The following CDH13 variants were observed in gnomAD, a reference collection of about 807,000 sequenced individuals.
CDH13 encodes the protein cadherin-13.
A neutral mutation model predicts 63.8 loss-of-function variants in CDH13; 24 were observed. That is an observed-to-expected ratio of 0.38 (90% CI 0.27 to 0.53). The LOEUF is 0.53. CDH13 is among the 20% of genes least tolerant of loss of function. CDH13 has a pLI of 0.85. For missense variants in CDH13, 1,049 were observed against 903.1 expected (o/e 1.16, Z -2.07); for synonymous variants, 503 against 355.3 (o/e 1.42, Z -4.67).
At chr16:83,773,041 T>A (rs1338771037) in intron 11 of CDH13, 4 of 152,224 alleles carry the variant, frequency 2.6e-5, no homozygotes, top group African/African-American at 4.8e-5. Flanking sequence ...GTCCATGTGA[T>A]TAGGCATCTG....
intron 8 of CDH13, among the ~76,000 whole-genome samples, chr16:83,662,507 C>T (rs530257354): frequency 6.6e-6 from 1 of 152,168 alleles, no homozygotes; most frequent in African/African-American, 2.4e-5. Context: ...AATGGCATGT[C>T]TGGGATTTGC....
intron 8 of CDH13, among the ~76,000 whole-genome samples, chr16:83,658,983 G>A (rs367835381): frequency 2.3e-4 from 25 of 107,776 alleles, no homozygotes; most frequent in East Asian, 1.3e-3. Context: ...AAGGTCCCAT[G>A]TCCTCACCAC....
At position 82,867,360 on chromosome 16, in the gene CDH13, TAGAG is replaced by T. The variant is rs796428520; in HGVS notation, c.157+8891_157+8894del. Among the ~76,000 whole-genome samples, 17 of 152,308 alleles carry T rather than the reference TAGAG, an allele frequency of 1.1e-4. No homozygotes were observed. The East Asian group carries it at 2.9e-3, about 26-fold the overall frequency. On this transcript the variant is annotated intron_variant, in intron 2 of 13. Coordinates refer to ENST00000567109, the MANE Select transcript of CDH13 (RefSeq NM_001257.5). ...ATCACTTTTATCAACCAGGGTGAGA[TAGAG>T]AGAACTGCTGCTGCTGCGTATTTGT... is the stretch of plus-strand genomic sequence containing the variant.
chr16:83,254,081 C>T (rs1307293324), intron 5 of CDH13, among the ~76,000 whole-genome samples: 2 of 152,072 alleles, frequency 1.3e-5, no homozygotes, highest in Non-Finnish European at 2.9e-5. Flanking sequence ...TTCCTTTGAC[C>T]CAAAGATGGA....
intron 1 of CDH13, among the ~76,000 whole-genome samples, chr16:82,636,847 G>T (rs34280504): frequency 6.6e-6 from 1 of 152,056 alleles, no homozygotes; most frequent in Non-Finnish European, 1.5e-5. Context: ...ATTTGAATCT[G>T]CCAACCTGAG....
At chr16:82,738,883 A>G (rs551295959) in intron 1 of CDH13, among the ~76,000 whole-genome samples, 22 of 152,044 alleles carry the variant, frequency 1.4e-4, no homozygotes, top group African/African-American at 5.1e-4. Context: ...TGCACCTACA[A>G]CCCCTGGTGG....
intron 2 of CDH13, among the ~76,000 whole-genome samples, chr16:82,971,405 C>T (rs1052032589): frequency 1.3e-5 from 2 of 152,190 alleles, no homozygotes; most frequent in Non-Finnish European, 2.9e-5. Flanking sequence ...AAGGTCTGTT[C>T]CTAGGACAGC....
chr16:83,321,367 C>T lies in CDH13; in HGVS notation c.637-23495C>T, dbSNP rs576637473. Reference sequence around the variant, plus strand: ...CAGCAAGTTGATCAACTTGGAGGCACGTCACTCACCCTTCATTGGCATCGG... The same window carrying T: ...CAGCAAGTTGATCAACTTGGAGGCATGTCACTCACCCTTCATTGGCATCGG... On this transcript the variant is annotated intron_variant, in intron 5 of 13. Coordinates refer to ENST00000567109, the MANE Select transcript of CDH13 (RefSeq NM_001257.5). Among the ~76,000 whole-genome samples, 219 of 152,226 alleles carry T rather than the reference C, an allele frequency of 1.4e-3. 2 individuals are homozygous for T. In the South Asian group the frequency reaches 0.015, roughly 10 times the overall value.
chr16:83,723,115 C>G (rs146773589), intron 10 of CDH13, among the ~76,000 whole-genome samples: 82 of 152,318 alleles, frequency 5.4e-4, no homozygotes, highest in African/African-American at 1.9e-3. Context: ...TTACCAGAAG[C>G]AAGGTGATCA....
At chr16:83,050,308 C>T (rs755970599) in intron 3 of CDH13, among the ~76,000 whole-genome samples, 1 of 152,190 alleles carries the variant, frequency 6.6e-6, no homozygotes, top group Admixed American at 6.5e-5. Context: ...CAACTGTCCC[C>T]TAGGAGTGGA....
In CDH13 at chr16:83,620,560, C is replaced by G. The variant is rs116803690; in HGVS notation, c.1101+17966C>G. ...ATGTCCTTCACCCAAGTGGGAATAA[C>G]GCCAACCACAGGCAGCCAACATGAG... On this transcript the variant is annotated intron_variant, in intron 8 of 13. Coordinates refer to ENST00000567109, the MANE Select transcript of CDH13 (RefSeq NM_001257.5). Among the ~76,000 whole-genome samples the G allele has an allele frequency of 2.0e-5, 3 of 152,116 alleles. No homozygotes were observed. In the East Asian group the frequency reaches 5.8e-4, roughly 29 times the overall value.
chr16:82,900,294 A>G (rs1480405394), intron 2 of CDH13, among the ~76,000 whole-genome samples: 3 of 152,206 alleles, frequency 2.0e-5, no homozygotes, highest in Non-Finnish European at 4.4e-5. Flanking sequence ...GCACAGCATA[A>G]ATGAAATACC....
chr16:83,261,501 A>G (rs1906988368), intron 5 of CDH13, among the ~76,000 whole-genome samples: 1 of 152,044 alleles, frequency 6.6e-6, no homozygotes, highest in Non-Finnish European at 1.5e-5. Flanking sequence ...GAGTGGGGCT[A>G]GGTGTCCAGT....
intron 2 of CDH13, among the ~76,000 whole-genome samples, chr16:82,928,788 A>G (rs2042386575): frequency 6.6e-6 from 1 of 152,236 alleles, no homozygotes; most frequent in Non-Finnish European, 1.5e-5. Flanking sequence ...CTGACATTCA[A>G]TGGGAAACCA....
chr16:83,222,509 T>A lies in CDH13; in HGVS notation c.636+5012T>A, dbSNP rs1212521445. Among the ~76,000 whole-genome samples, 10 of 152,318 alleles carry A rather than the reference T, an allele frequency of 6.6e-5. No homozygotes were observed. The East Asian group carries it at 1.7e-3, about 26-fold the overall frequency. ...CCATATTAGAGAGTTATTTAAGTGA[T>A]TAACCTGGTTATAAAAACGTTCATG... On this transcript the variant is annotated intron_variant, in intron 5 of 13. Transcript: ENST00000567109.
intron 1 of CDH13, among the ~76,000 whole-genome samples, chr16:82,680,009 C>G (rs181041393): frequency 3.5e-4 from 54 of 152,246 alleles, no homozygotes; most frequent in Admixed American, 9.2e-4. Flanking sequence ...ACACACGGGT[C>G]TTCTTTGGAA....
intron 4 of CDH13, among the ~76,000 whole-genome samples, chr16:83,163,723 G>A (rs896230798): frequency 9.9e-5 from 15 of 152,064 alleles, no homozygotes; most frequent in African/African-American, 3.1e-4. Flanking sequence ...CTTCTTCAGT[G>A]TGGGTTCTTG....
intron 3 of CDH13, among the ~76,000 whole-genome samples, chr16:83,055,754 C>A (rs530822178): frequency 6.6e-6 from 1 of 152,072 alleles, no homozygotes; most frequent in African/African-American, 2.4e-5. Context: ...TTTCTGAAGG[C>A]CAACATAATC....
At chr16:83,052,994 T>C (rs1301023209) in intron 3 of CDH13, among the ~76,000 whole-genome samples, 1 of 152,098 alleles carries the variant, frequency 6.6e-6, no homozygotes, top group Non-Finnish European at 1.5e-5. Flanking sequence ...AGTGAGACCA[T>C]AAGCCTTGTG....
Sources: gnomAD v4.1 joint callset for allele counts (sites outside exome capture counted in the v4.1 genomes callset) on GRCh38, gnomAD v4.1.1 for gene constraint, MANE v1.5 for transcripts, NCBI Gene and HGNC (gene_info 2026-07-23, HGNC 2026-07-21) for gene names.